The following DIAPH2 variants were observed in gnomAD, a reference collection of about 807,000 sequenced individuals.
The protein encoded by DIAPH2 is diaphanous related formin 2, also known as protein diaphanous homolog 2.
DIAPH2 carries 35 observed loss-of-function variants against 92.7 expected under a neutral mutation model. That is an observed-to-expected ratio of 0.38 (90% CI 0.29 to 0.50). DIAPH2 has a LOEUF of 0.50. DIAPH2 is among the 20% of genes least tolerant of loss of function. DIAPH2 has a pLI of 0.94. For missense variants in DIAPH2, 701 were observed against 819.5 expected (o/e 0.86, Z 1.77); for synonymous variants, 301 against 280.4 (o/e 1.07, Z -0.73).
intron 4 of DIAPH2, among the ~76,000 whole-genome samples, chrX:96,790,135 T>A (rs750778073): frequency 3.7e-5 from 4 of 108,930 alleles, no homozygotes; most frequent in African/African-American, 1.3e-4. Context: ...AATGGTGCGA[T>A]CCCGGCTCAC....
intron 4 of DIAPH2, among the ~76,000 whole-genome samples, chrX:96,845,731 A>G (rs2064966726): frequency 8.9e-6 from 1 of 112,313 alleles, no homozygotes; most frequent in African/African-American, 3.2e-5. Context: ...TTCTAATTTC[A>G]TTTGATATAA....
intron 25 of DIAPH2, among the ~76,000 whole-genome samples, chrX:97,388,066 A>G (rs779739169): frequency 1.5e-4 from 17 of 111,556 alleles, no homozygotes; most frequent in African/African-American, 4.2e-4. Flanking sequence ...CAGGGCTGCC[A>G]TAAGAAAATG....
Position 96,780,843 on chromosome X carries a change from G to A in DIAPH2, c.447+22585G>A, listed in dbSNP as rs2064412415. Among the ~76,000 whole-genome samples, 3 of 95,597 alleles carry A rather than the reference G, an allele frequency of 3.1e-5. No individual in the cohort carries two copies. The South Asian group carries it at 1.5e-3, about 47-fold the overall frequency. 83.0% of individuals were successfully genotyped at this position (95,597 alleles called of 115,157 possible). ...TTTTTTTTCGATGAAGTCTCGCTTT[G>A]CACCCCCAGGCTGGAGTGCAGTGGC... On this transcript the variant is annotated intron_variant, in intron 4 of 26. Transcript: ENST00000324765.
chrX:96,856,736 G>GA (rs919741204), intron 4 of DIAPH2, among the ~76,000 whole-genome samples: 61 of 108,871 alleles, frequency 5.6e-4, no homozygotes, highest in African/African-American at 2.0e-3. Flanking sequence ...GGAAACCCAA[G>GA]AAAAAAAAAT....
At chrX:96,732,448 A>C (rs2147562424) in intron 1 of DIAPH2, among the ~76,000 whole-genome samples, 1 of 111,914 alleles carries the variant, frequency 8.9e-6, no homozygotes, top group East Asian at 2.8e-4. Context: ...AGCTTTAAAT[A>C]GTATTATATT....
chrX:96,895,005 GTTTA>G (rs2065334781), intron 5 of DIAPH2, among the ~76,000 whole-genome samples: 1 of 35,297 alleles, frequency 2.8e-5, no homozygotes, highest in Non-Finnish European at 5.3e-5. Flanking sequence ...TTTTTTTTTA[GTTTA>G]TTTGTTTGTT....
chrX:97,515,689 C>T (rs1257703335), intron 26 of DIAPH2, among the ~76,000 whole-genome samples: 1 of 111,118 alleles, frequency 9.0e-6, no homozygotes, highest in African/African-American at 3.3e-5. Context: ...GTCCTTGTAT[C>T]TTCAGAGATA....
rs1334795944 is a variant in DIAPH2, at chrX:97,600,023, A to G, written c.*706A>G. On this transcript the variant is annotated 3_prime_UTR_variant, in exon 27 of 27. Coordinates refer to ENST00000324765, the MANE Select transcript of DIAPH2 (RefSeq NM_006729.5). ...CAAAGTTTAACCGAATCAGTTAGGG[A>G]AAGTGATTTAAACTTTATTTAAAGA... 5.3e-5 allele frequency: 6 copies of G among 112,672 alleles called. No homozygotes were observed. Among genetic ancestry groups the G allele is most frequent in the African/African-American group, 1.6e-4 (5 of 31,025 alleles). 9.3% of individuals were successfully genotyped at this position (112,672 alleles called of 1,213,427 possible).
chrX:97,406,778 G>A (rs948611435), intron 25 of DIAPH2, among the ~76,000 whole-genome samples: 4 of 111,467 alleles, frequency 3.6e-5, no homozygotes, highest in African/African-American at 1.3e-4. Context: ...AATGAAATCA[G>A]ATATAGTATG....
rs1325888065 is a variant in DIAPH2 at position 97,386,790 on chromosome X, CT to C, written c.3145+2762del. 6.1e-3 allele frequency among the ~76,000 whole-genome samples: 570 copies of C among 93,305 alleles called. 2 individuals carry two copies. The highest frequency in any genetic ancestry group is 0.013 in the African/African-American group (328 of 25,977). 81.0% of individuals were successfully genotyped at this position (93,305 alleles called of 115,157 possible). A position where few individuals can be genotyped will look rare whatever the true frequency, so the allele number is the denominator to read the frequency against. ...GACAGATTGTGAGCTCTCTTTCTTT[CT>C]TTTTTTTTTTTTTTTAATTATACTT... is the stretch of plus-strand genomic sequence containing the variant. On this transcript the variant is annotated intron_variant, in intron 25 of 26. Coordinates refer to ENST00000324765, the MANE Select transcript of DIAPH2 (RefSeq NM_006729.5).
At chrX:97,013,731 G>C (rs1310943137) in intron 17 of DIAPH2, among the ~76,000 whole-genome samples, 1 of 112,173 alleles carries the variant, frequency 8.9e-6, no homozygotes, top group Non-Finnish European at 1.9e-5. Context: ...ACTAACATTA[G>C]GAAATCTTGG....
At chrX:97,082,664 AAGTGTAAAACTT>A in intron 19 of DIAPH2, among the ~76,000 whole-genome samples, 1 of 110,858 alleles carries the variant, frequency 9.0e-6, no homozygotes, top group African/African-American at 3.3e-5. Context: ...AAACAAAAAC[AAGTGTAAAACTT>A]GGTAAGTGGC....
At chrX:97,301,026 G>A (rs1387600775) in intron 23 of DIAPH2, among the ~76,000 whole-genome samples, 12 of 96,012 alleles carry the variant, frequency 1.2e-4, no homozygotes, top group African/African-American at 4.1e-4. Context: ...GTAATTGGCC[G>A]GGCGCAGTGG....
rs1399274375 is a variant in DIAPH2, at chrX:97,158,043, T to C, written c.2719+16249T>C. ...GTCTGAAGTAAAATCCCAGTCAGTT[T>C]ATTATATATCAAAAGAAGTAAACAG... On this transcript the variant is annotated intron_variant, in intron 22 of 26. Coordinates refer to ENST00000324765, the MANE Select transcript of DIAPH2 (RefSeq NM_006729.5). Among the ~76,000 whole-genome samples the C allele has an allele frequency of 1.8e-5, 2 of 111,945 alleles. 1 individual carries two copies. Among genetic ancestry groups the C allele is most frequent in the Admixed American group, 1.9e-4 (2 of 10,531 alleles).
rs756688275 is a variant in DIAPH2 at position 97,601,849 on chromosome X, C to T, written c.*2532C>T. On this transcript the variant is annotated 3_prime_UTR_variant, in exon 27 of 27. Transcript: ENST00000324765. ...TTTTGAAGGGCAGCAAAGCCATGCTCCCTCCAGAGGCTCTAGAGGAGAATC... is the reference window on the plus strand; with the variant it reads ...TTTTGAAGGGCAGCAAAGCCATGCTTCCTCCAGAGGCTCTAGAGGAGAATC... 8.9e-6 allele frequency: 1 copy of T among 112,377 alleles called. No individual in the cohort carries two copies. The highest frequency in any genetic ancestry group is 2.8e-4 in the East Asian group (1 of 3,586). The allele number at this position is 112,377 out of a possible 1,213,427, so 9.3% of individuals were successfully genotyped here. A position where few individuals can be genotyped will look rare whatever the true frequency, so the allele number is the denominator to read the frequency against.
chrX:97,575,006 G>C (rs1297082205), intron 26 of DIAPH2, among the ~76,000 whole-genome samples: 2 of 112,294 alleles, frequency 1.8e-5, no homozygotes, highest in Non-Finnish European at 3.8e-5. Context: ...TGATTCAGGG[G>C]TTAGAATTGA....
chrX:97,262,330 G>A (rs901996960), intron 23 of DIAPH2, among the ~76,000 whole-genome samples: 4 of 111,377 alleles, frequency 3.6e-5, no homozygotes, highest in Non-Finnish European at 7.5e-5. Flanking sequence ...CAAGTGAGGA[G>A]ACGATTTGCG....
chrX:96,756,129 G>T (rs1318240175), intron 3 of DIAPH2, among the ~76,000 whole-genome samples: 2 of 111,788 alleles, frequency 1.8e-5, no homozygotes, highest in African/African-American at 6.5e-5. Context: ...GCCTCCCAAA[G>T]TGCTAGGACT....
intron 24 of DIAPH2, among the ~76,000 whole-genome samples, chrX:97,351,617 C>T (rs1006132978): frequency 1.8e-5 from 2 of 110,520 alleles, no homozygotes; most frequent in Non-Finnish European, 1.9e-5. Context: ...AGATCGAGAC[C>T]ACGGTGAAAC....
Sources: allele counts gnomAD v4.1 joint callset (sites outside exome capture counted in the v4.1 genomes callset), GRCh38; gene constraint gnomAD v4.1.1; transcripts MANE v1.5; gene names NCBI Gene and HGNC (gene_info 2026-07-23, HGNC 2026-07-21).